The following PLEKHA7 variants were observed in gnomAD, a reference collection of about 807,000 sequenced individuals.
PLEKHA7 encodes the protein pleckstrin homology domain-containing family A member 7.
A neutral mutation model predicts 170.0 loss-of-function variants in PLEKHA7; 104 were observed. The ratio of observed to expected loss-of-function variants is 0.61; its 90% CI spans 0.52 to 0.72. The LOEUF (loss-of-function observed/expected upper bound fraction) is 0.72. PLEKHA7 is among the 30% of genes least tolerant of loss of function. The pLI is 0.00. For synonymous variants in PLEKHA7, 648 were observed against 660.8 expected (o/e 0.98, Z 0.30); for missense variants, 1,615 against 1,671.7 (o/e 0.97, Z 0.59).
At chr11:16,887,675 C>T (rs1353715674) in intron 3 of PLEKHA7, among the ~76,000 whole-genome samples, 4 of 152,196 alleles carry the variant, frequency 2.6e-5, no homozygotes, top group Admixed American at 6.5e-5. Flanking sequence ...GAATTGCAGA[C>T]GGAGTCTCGT....
In PLEKHA7 at chr11:16,826,266, G is replaced by A. The variant is rs1850633802; in HGVS notation, c.1197C>T (p.Ala399=). The change falls in exon 10 of 27, where the codon GCC becomes GCT. Residue 399 remains alanine, a synonymous_variant. Transcript: ENST00000531066. ...QRAEKNGMLP[A]SYGPGEQNGT... ...CATTCTGTTCTCCTGGGCCATATGA[G>A]GCAGGCAGCATTCCATTCTTCTCTG... The A allele has an allele frequency of 1.9e-6, 3 of 1,614,216 alleles. No individual in the cohort carries two copies. Among genetic ancestry groups the A allele is most frequent in the South Asian group, 1.1e-5 (1 of 91,086 alleles).
chr11:16,855,270 G>A (rs1051647044), intron 5 of PLEKHA7, among the ~76,000 whole-genome samples: 3 of 152,198 alleles, frequency 2.0e-5, no homozygotes, highest in African/African-American at 7.2e-5. Context: ...GCTGTTGGCT[G>A]TAATATGTTC....
At chr11:16,966,821 G>A (rs961959582) in intron 3 of PLEKHA7, among the ~76,000 whole-genome samples, 1 of 152,060 alleles carries the variant, frequency 6.6e-6, no homozygotes. Flanking sequence ...TGGCCATGAA[G>A]GTTTTATTGC....
At chr11:16,834,873 G>C (rs1388806019) in intron 9 of PLEKHA7, among the ~76,000 whole-genome samples, 1 of 152,186 alleles carries the variant, frequency 6.6e-6, no homozygotes, top group Non-Finnish European at 1.5e-5. Flanking sequence ...CCTGCCAGGA[G>C]TGCAGGGTAT....
At chr11:16,811,461 G>A (rs542994792) in intron 13 of PLEKHA7, among the ~76,000 whole-genome samples, 3 of 152,258 alleles carry the variant, frequency 2.0e-5, no homozygotes, top group Admixed American at 1.3e-4. Context: ...GCTGAGGAAC[G>A]GGGATATGGT....
intron 3 of PLEKHA7, among the ~76,000 whole-genome samples, chr11:16,875,339 T>C (rs1321729713): frequency 6.7e-6 from 1 of 150,024 alleles, no homozygotes; most frequent in Non-Finnish European, 1.5e-5. Flanking sequence ...TATGGGATGT[T>C]ACTAGAATAC....
rs1452082720 is a variant in PLEKHA7, at chr11:17,002,986, TGCC to T, written c.221+11000_221+11002del. 7.6e-3 allele frequency among the ~76,000 whole-genome samples: 935 copies of T among 122,530 alleles called. 10 individuals are homozygous for T. The highest frequency in any genetic ancestry group is 0.019 in the Middle Eastern group (4 of 216). 80.4% of individuals were successfully genotyped at this position (122,530 alleles called of 152,430 possible). A position where few individuals can be genotyped will look rare whatever the true frequency, so the allele number is the denominator to read the frequency against. ...CATCCTTTAAGTACCAGAATAGTTG[TGCC>T]TTTTTTTTTTTTTTTTTTTTGTGAT... On this transcript the variant is annotated intron_variant, in intron 3 of 26. Transcript: ENST00000531066.
At chr11:16,809,488 G>A (rs1336075357) in intron 13 of PLEKHA7, among the ~76,000 whole-genome samples, 1 of 152,174 alleles carries the variant, frequency 6.6e-6, no homozygotes, top group Non-Finnish European at 1.5e-5. Flanking sequence ...AACCAGGGGG[G>A]ACCTCTCATA....
intron 3 of PLEKHA7, among the ~76,000 whole-genome samples, chr11:16,917,984 A>G (rs7481080): frequency 0.42 from 64,588 of 152,054 alleles, 14,849 homozygotes; most frequent in Non-Finnish European, 0.53. Flanking sequence ...TCTTCTCTCT[A>G]TAACCTACAG....
chr11:16,811,325 G>A (rs867589572), intron 13 of PLEKHA7, among the ~76,000 whole-genome samples: 12 of 152,174 alleles, frequency 7.9e-5, no homozygotes, highest in South Asian at 2.1e-4. Flanking sequence ...CTGCTGGCAT[G>A]CCAGGCCTCT....
intron 3 of PLEKHA7, among the ~76,000 whole-genome samples, chr11:16,907,403 G>A (rs1490511682): frequency 5.3e-5 from 7 of 131,190 alleles, no homozygotes; most frequent in Non-Finnish European, 1.0e-4. Context: ...TCAGCCCCCC[G>A]CCCGGCCAGC....
At chr11:16,892,784 T>C (rs1427357798) in intron 3 of PLEKHA7, among the ~76,000 whole-genome samples, 2 of 152,116 alleles carry the variant, frequency 1.3e-5, no homozygotes, top group African/African-American at 4.8e-5. Flanking sequence ...AATCTTAACA[T>C]TGAAATTGAC....
At chr11:16,922,677 C>A (rs567645578) in intron 3 of PLEKHA7, among the ~76,000 whole-genome samples, 1 of 152,188 alleles carries the variant, frequency 6.6e-6, no homozygotes, top group Admixed American at 6.5e-5. Flanking sequence ...AACAAACCAT[C>A]AGAGCACCCT....
At chr11:16,846,884 G>A (rs1852450607) in intron 8 of PLEKHA7, among the ~76,000 whole-genome samples, 1 of 152,078 alleles carries the variant, frequency 6.6e-6, no homozygotes, top group Admixed American at 6.6e-5. Context: ...TGATAAATCA[G>A]TTTTCCCGGT....
chr11:16,818,260 C>T (rs889578710), intron 10 of PLEKHA7, among the ~76,000 whole-genome samples: 12 of 152,194 alleles, frequency 7.9e-5, no homozygotes, highest in Non-Finnish European at 1.6e-4. Context: ...TTACTTGTAA[C>T]AGGAGGATAG....
chr11:16,800,961 G>A lies in PLEKHA7; in HGVS notation c.2409+13C>T, dbSNP rs747224486. The stretch of plus-strand genomic sequence containing the variant: ...AACAAGAGCTCAGAAGAGATGGACA[G>A]GTATCAGGTCACCTGGAAAAAAAAG... On this transcript the variant is annotated intron_variant, in intron 17 of 26. Coordinates refer to ENST00000531066, the MANE Select transcript of PLEKHA7 (RefSeq NM_001329630.2). The A allele has an allele frequency of 5.6e-6, 9 of 1,605,412 alleles. No individual in the cohort carries two copies. Among genetic ancestry groups the A allele is most frequent in the Non-Finnish European group, 6.0e-6 (7 of 1,172,242 alleles).
At chr11:16,983,137 G>A (rs1182842881) in intron 3 of PLEKHA7, among the ~76,000 whole-genome samples, 1 of 152,180 alleles carries the variant, frequency 6.6e-6, no homozygotes, top group Non-Finnish European at 1.5e-5. Context: ...GAAGGTTGGA[G>A]AGGACTATAA....
rs771602550 is a variant in PLEKHA7 at position 16,801,010 on chromosome 11, G to A, written c.2373C>T (p.Thr791=). 1 of 1,614,210 alleles carries A rather than the reference G, an allele frequency of 6.2e-7. No individual in the cohort carries two copies. The highest frequency in any genetic ancestry group is 8.5e-7 in the Non-Finnish European group (1 of 1,180,036). Residue 791 remains threonine (T), a synonymous_variant, in exon 17 of 27, where the codon ACC becomes ACT. Coordinates refer to ENST00000531066, the MANE Select transcript of PLEKHA7 (RefSeq NM_001329630.2). ...AGGCTCTTCTGTGTTGCTCCTGCAG[G>A]GTCTGCTTCAGCTGTTCCACATCAT... ...LENDVEQLKQ[T]LQEQHRRAFF... is the part of the protein sequence containing the mutation.
At chr11:16,926,397 T>C (rs1461130332) in intron 3 of PLEKHA7, among the ~76,000 whole-genome samples, 1 of 152,206 alleles carries the variant, frequency 6.6e-6, no homozygotes, top group Non-Finnish European at 1.5e-5. Context: ...ACACTTCTAA[T>C]TCATTCATTA....
Sources: allele counts gnomAD v4.1 joint callset (sites outside exome capture counted in the v4.1 genomes callset), GRCh38; gene constraint gnomAD v4.1.1; transcripts MANE v1.5; gene names NCBI Gene and HGNC (gene_info 2026-07-23, HGNC 2026-07-21).